Variants in SPIDR observed in about 807,000 individuals in gnomAD.
SPIDR encodes scaffold protein involved in DNA repair.
A neutral mutation model predicts 104.6 loss-of-function variants in SPIDR; 93 were observed. The ratio of observed to expected loss-of-function variants is 0.89; its 90% CI spans 0.75 to 1.06. SPIDR has a LOEUF of 1.06. SPIDR is among the 50% of genes least tolerant of loss of function. The probability of loss-of-function intolerance (pLI) is 0.00; values close to 1 mark genes in which losing one functional copy is unlikely to be tolerated. For synonymous variants in SPIDR, 431 were observed against 416.9 expected, an observed-to-expected ratio of 1.03 and a Z score of -0.41; for missense variants, 1,154 against 1,111.2, an observed-to-expected ratio of 1.04 and a Z score of -0.55.
intron 8 of SPIDR, among the ~76,000 whole-genome samples, chr8:47,576,230 C>T (rs1232759282): frequency 6.6e-6 from 1 of 151,684 alleles, no homozygotes; most frequent in East Asian, 1.9e-4. Flanking sequence ...CAGCTCACTG[C>T]AGCCTCCGCC....
At chr8:47,643,136 G>A (rs2069487226) in intron 10 of SPIDR, among the ~76,000 whole-genome samples, 1 of 151,854 alleles carries the variant, frequency 6.6e-6, no homozygotes, top group African/African-American at 2.4e-5. Context: ...AACTGTTGAG[G>A]TTTATAAAGG....
intron 16 of SPIDR, among the ~76,000 whole-genome samples, chr8:47,717,547 C>T (rs1173092001): frequency 6.6e-6 from 1 of 152,200 alleles, no homozygotes; most frequent in Admixed American, 6.5e-5. Context: ...GAGGCAGATC[C>T]TCACCTTTTG....
chr8:47,404,525 C>A (rs370941590), intron 6 of SPIDR, among the ~76,000 whole-genome samples: 1 of 152,094 alleles, frequency 6.6e-6, no homozygotes, highest in African/African-American at 2.4e-5. Flanking sequence ...ACAACCCAAT[C>A]AAAAAGTGGG....
At chr8:47,657,659 A>G (rs1049252008) in intron 10 of SPIDR, among the ~76,000 whole-genome samples, 1 of 152,124 alleles carries the variant, frequency 6.6e-6, no homozygotes, top group African/African-American at 2.4e-5. Flanking sequence ...AACTGGGTGA[A>G]GTGTACAGGG....
At chr8:47,642,415 CAAAA>C (rs56227753) in intron 10 of SPIDR, among the ~76,000 whole-genome samples, 2 of 57,988 alleles carry the variant, frequency 3.4e-5, no homozygotes, top group Non-Finnish European at 3.6e-5. Context: ...GACTCCGTCT[CAAAA>C]AAAAAAAAAA....
At chr8:47,678,270 T>G (rs1359737245) in intron 11 of SPIDR, among the ~76,000 whole-genome samples, 1 of 152,094 alleles carries the variant, frequency 6.6e-6, no homozygotes, top group Non-Finnish European at 1.5e-5. Flanking sequence ...GATATGAGTT[T>G]TTGAGTGAAG....
At chr8:47,673,576 A>C in intron 10 of SPIDR, 4 of 589,500 alleles carry the variant, frequency 6.8e-6, no homozygotes, top group Non-Finnish European at 9.1e-6. Context: ...TACAGAAAGG[A>C]TATCTTGAAT....
chr8:47,535,832 A>T (rs2086810872), intron 8 of SPIDR, among the ~76,000 whole-genome samples: 1 of 152,150 alleles, frequency 6.6e-6, no homozygotes, highest in Middle Eastern at 3.4e-3. Context: ...CAAGACAAGG[A>T]AGGATGCCCT....
chr8:47,446,963 C>G (rs533787594), intron 8 of SPIDR, among the ~76,000 whole-genome samples: 2 of 152,112 alleles, frequency 1.3e-5, no homozygotes, highest in Non-Finnish European at 2.9e-5. Context: ...TAAGAACATT[C>G]ATGATTCATG....
intron 8 of SPIDR, among the ~76,000 whole-genome samples, chr8:47,585,199 C>G (rs1228214321): frequency 6.6e-6 from 1 of 152,116 alleles, no homozygotes; most frequent in Non-Finnish European, 1.5e-5. Context: ...TATCTTCTAT[C>G]AGGGAAATTT....
chr8:47,733,124 T>A (rs1425627961), intron 19 of SPIDR, among the ~76,000 whole-genome samples: 1 of 152,242 alleles, frequency 6.6e-6, no homozygotes, highest in African/African-American at 2.4e-5. Flanking sequence ...CAGTGGCTGA[T>A]GCCTGTAATC....
At chr8:47,429,656 G>A (rs2066995593) in intron 7 of SPIDR, among the ~76,000 whole-genome samples, 2 of 152,090 alleles carry the variant, frequency 1.3e-5, no homozygotes, top group South Asian at 4.1e-4. Flanking sequence ...GGCAGTGTTG[G>A]TTCTGGTCCA....
chr8:47,270,615 G>A (rs2035109600), intron 1 of SPIDR, among the ~76,000 whole-genome samples: 1 of 150,842 alleles, frequency 6.6e-6, no homozygotes, highest in African/African-American at 2.4e-5. Context: ...ATTCTTTGTT[G>A]TTTTTCTATT....
intron 7 of SPIDR, among the ~76,000 whole-genome samples, chr8:47,409,354 T>G (rs1477964293): frequency 6.6e-6 from 1 of 152,172 alleles, no homozygotes; most frequent in Admixed American, 6.5e-5. Context: ...AACTCTTGTT[T>G]TTCAACAAAT....
chr8:47,473,406 C>G (rs2075946521), intron 8 of SPIDR, among the ~76,000 whole-genome samples: 1 of 152,156 alleles, frequency 6.6e-6, no homozygotes, highest in Admixed American at 6.5e-5. Context: ...ATGATAGGGG[C>G]TTATTGTGAT....
intron 14 of SPIDR, among the ~76,000 whole-genome samples, chr8:47,702,817 T>C (rs1323132863): frequency 6.6e-6 from 1 of 152,038 alleles, no homozygotes; most frequent in Non-Finnish European, 1.5e-5. Context: ...AGGGTGTGTA[T>C]GAGTGGAGCA....
At chr8:47,358,825 G>A (rs2055104139) in intron 5 of SPIDR, among the ~76,000 whole-genome samples, 1 of 152,084 alleles carries the variant, frequency 6.6e-6, no homozygotes, top group Non-Finnish European at 1.5e-5. Context: ...TAGGAAGTTA[G>A]GACGTAGGAT....
intron 10 of SPIDR, among the ~76,000 whole-genome samples, chr8:47,657,503 G>T (rs944668847): frequency 6.6e-6 from 1 of 152,160 alleles, no homozygotes; most frequent in African/African-American, 2.4e-5. Context: ...AGAAGGTACA[G>T]GATCCTACAC....
At chr8:47,630,843 A>G (rs1481926753) in intron 10 of SPIDR, among the ~76,000 whole-genome samples, 7 of 152,202 alleles carry the variant, frequency 4.6e-5, no homozygotes, top group Non-Finnish European at 8.8e-5. Flanking sequence ...TCTTGTTCAC[A>G]TGGGATATAG....
Sources: allele counts gnomAD v4.1 joint callset (sites outside exome capture counted in the v4.1 genomes callset), GRCh38; gene constraint gnomAD v4.1.1; transcripts MANE v1.5; gene names NCBI Gene and HGNC (gene_info 2026-07-23, HGNC 2026-07-21).